The following SH3PXD2B variants were observed in gnomAD, a reference collection of about 807,000 sequenced individuals.
The protein encoded by SH3PXD2B is SH3 and PX domains 2B.
A neutral mutation model predicts 73.1 loss-of-function variants in SH3PXD2B; 37 were observed. That is an observed-to-expected ratio of 0.51 (90% CI 0.39 to 0.67). SH3PXD2B has a LOEUF of 0.67. SH3PXD2B is among the 30% of genes least tolerant of loss of function. SH3PXD2B has a pLI of 0.00. For synonymous variants in SH3PXD2B, 457 were observed against 480.5 expected, an observed-to-expected ratio of 0.95 and a Z score of 0.64; for missense variants, 1,053 against 1,197.8, an observed-to-expected ratio of 0.88 and a Z score of 1.78.
At chr5:172,371,176 G>T (rs1048969373) in intron 6 of SH3PXD2B, among the ~76,000 whole-genome samples, 3 of 152,084 alleles carry the variant, frequency 2.0e-5, no homozygotes, top group Admixed American at 6.5e-5. Flanking sequence ...TAAGATGAAG[G>T]GTAAAGGGGA....
chr5:172,415,958 G>A (rs905222743), intron 2 of SH3PXD2B, among the ~76,000 whole-genome samples: 1 of 152,202 alleles, frequency 6.6e-6, no homozygotes, highest in African/African-American at 2.4e-5. Flanking sequence ...TGTCAAGTAA[G>A]AGCATCAGGC....
chr5:172,403,970 GGCT>G (rs1300384606), intron 3 of SH3PXD2B, among the ~76,000 whole-genome samples: 2 of 152,224 alleles, frequency 1.3e-5, no homozygotes, highest in Non-Finnish European at 2.9e-5. Flanking sequence ...TGAGGTCACA[GGCT>G]AGTCTGTTTG....
chr5:172,434,318 A>T (rs1175774669), intron 1 of SH3PXD2B, among the ~76,000 whole-genome samples: 1 of 152,192 alleles, frequency 6.6e-6, no homozygotes, highest in African/African-American at 2.4e-5. Context: ...GACAAACAAC[A>T]GGGCCAGGCT....
intron 2 of SH3PXD2B, among the ~76,000 whole-genome samples, chr5:172,412,858 CT>C (rs1301027774): frequency 6.6e-6 from 1 of 152,144 alleles, no homozygotes; most frequent in East Asian, 1.9e-4. Context: ...GTGAGGAGGA[CT>C]GGAAACTGAA....
At chr5:172,371,753 C>T (rs1314744828) in intron 6 of SH3PXD2B, among the ~76,000 whole-genome samples, 1 of 152,208 alleles carries the variant, frequency 6.6e-6, no homozygotes, top group Non-Finnish European at 1.5e-5. Context: ...TTGTGTTTGT[C>T]ACAAACCAGA....
chr5:172,350,958 C>T (rs928613931), intron 9 of SH3PXD2B, among the ~76,000 whole-genome samples: 14 of 152,182 alleles, frequency 9.2e-5, no homozygotes, highest in Admixed American at 1.3e-4. Context: ...CGCTGATGAA[C>T]GTGGAGATTA....
chr5:172,370,361 C>T (rs1757672901), intron 6 of SH3PXD2B, among the ~76,000 whole-genome samples: 1 of 152,216 alleles, frequency 6.6e-6, no homozygotes, highest in African/African-American at 2.4e-5. Context: ...CTGATGAATG[C>T]GCTGGGCGTT....
chr5:172,344,298 C>T (rs1007956449), intron 12 of SH3PXD2B, among the ~76,000 whole-genome samples: 4 of 151,994 alleles, frequency 2.6e-5, no homozygotes, highest in Admixed American at 6.6e-5. Context: ...CATAAGAAAA[C>T]AACATCTAGC....
chr5:172,333,224 TG>T (rs1312381096), downstream of SH3PXD2B, among the ~76,000 whole-genome samples: 4 of 152,104 alleles, frequency 2.6e-5, no homozygotes. Flanking sequence ...TGTGAGCCAC[TG>T]GGCCTGGACC....
intron 2 of SH3PXD2B, among the ~76,000 whole-genome samples, chr5:172,408,032 G>A (rs1456424110): frequency 6.6e-6 from 1 of 151,922 alleles, no homozygotes; most frequent in Non-Finnish European, 1.5e-5. Context: ...CGGCCTCTTT[G>A]GTGCTGTTCT....
At chr5:172,436,887 G>A (rs1759400756) in intron 1 of SH3PXD2B, among the ~76,000 whole-genome samples, 1 of 152,200 alleles carries the variant, frequency 6.6e-6, no homozygotes, top group Non-Finnish European at 1.5e-5. Flanking sequence ...TTCATTTCCT[G>A]TAGAGAAGGG....
intron 2 of SH3PXD2B, among the ~76,000 whole-genome samples, chr5:172,416,275 G>A (rs1183735048): frequency 6.6e-6 from 1 of 152,076 alleles, no homozygotes; most frequent in African/African-American, 2.4e-5. Flanking sequence ...CTGCAAGTGA[G>A]CTGTGATGGC....
At chr5:172,414,522 A>G (rs572448722) in intron 2 of SH3PXD2B, among the ~76,000 whole-genome samples, 2 of 152,032 alleles carry the variant, frequency 1.3e-5, no homozygotes, top group East Asian at 3.9e-4. Flanking sequence ...GGAAACTGGA[A>G]ACAAGCGGTT....
At chr5:172,442,428 C>T (rs1581344224) in intron 1 of SH3PXD2B, among the ~76,000 whole-genome samples, 2 of 152,190 alleles carry the variant, frequency 1.3e-5, no homozygotes, top group South Asian at 4.1e-4. Context: ...TTGGACAAAC[C>T]ACTTTTAAAG....
At chr5:172,327,745 C>T (rs2339426) in intron 12 of SH3PXD2B, among the ~76,000 whole-genome samples, 93,411 of 148,702 alleles carry the variant, frequency 0.63, 29,681 homozygotes, top group South Asian at 0.85. Flanking sequence ...CATACCACTG[C>T]AACTGGGTTT....
chr5:172,394,695 C>T, intron 3 of SH3PXD2B, 56 bp from the exon 4 acceptor site: 1 of 1,569,294 alleles, frequency 6.4e-7, no homozygotes, highest in Non-Finnish European at 8.7e-7. Flanking sequence ...AAGCTCTCAG[C>T]AACCTGAGAG....
chr5:172,441,039 C>T (rs184972925), intron 1 of SH3PXD2B, among the ~76,000 whole-genome samples: 32 of 152,264 alleles, frequency 2.1e-4, no homozygotes, highest in African/African-American at 4.1e-4. Flanking sequence ...TAAAACATTA[C>T]GATGAACCAA....
chr5:172,335,807 T>C lies in SH3PXD2B; in HGVS notation c.*2562A>G. On this transcript the variant is annotated 3_prime_UTR_variant, in exon 13 of 13. Coordinates refer to ENST00000311601, the MANE Select transcript of SH3PXD2B (RefSeq NM_001017995.3). ...CACTGCCTGGGGAAGTGTCTACCAT[T>C]GTAGGAAAAGGAGCTGGATACAGAC... 8.1e-7 allele frequency: 1 copy of C among 1,229,806 alleles called. No homozygotes were observed. The highest frequency in any genetic ancestry group is 1.0e-6 in the Non-Finnish European group (1 of 987,416). 76.2% of individuals were successfully genotyped at this position (1,229,806 alleles called of 1,614,324 possible).
intron 12 of SH3PXD2B, among the ~76,000 whole-genome samples, chr5:172,325,593 A>G (rs1289545838): frequency 1.3e-5 from 2 of 152,146 alleles, no homozygotes; most frequent in Non-Finnish European, 2.9e-5. Flanking sequence ...CTGGGTCCTC[A>G]CGTGGTGAAA....
Sources: allele counts gnomAD v4.1 joint callset (sites outside exome capture counted in the v4.1 genomes callset), GRCh38; gene constraint gnomAD v4.1.1; transcripts MANE v1.5; gene names NCBI Gene and HGNC (gene_info 2026-07-23, HGNC 2026-07-21).